The following ORC1 variants were observed in gnomAD, a reference collection of about 807,000 sequenced individuals.
ORC1 encodes the protein origin recognition complex subunit 1.
ORC1 carries 61 observed loss-of-function variants against 98.9 expected under a neutral mutation model. The ratio of observed to expected loss-of-function variants is 0.62; its 90% confidence interval spans 0.50 to 0.76. ORC1 has a LOEUF of 0.76. Ranked by LOEUF, ORC1 falls within the 30% of genes least tolerant of loss-of-function variation. The pLI is 0.00. For synonymous variants in ORC1, 385 were observed against 406.9 expected (o/e 0.95, Z 0.65); for missense variants, 979 against 1,072.2 (o/e 0.91, Z 1.21).
intron 6 of ORC1, among the ~76,000 whole-genome samples, chr1:52,389,630 T>C (rs144180791): frequency 8.5e-4 from 130 of 152,332 alleles, no homozygotes; most frequent in African/African-American, 2.9e-3. Context: ...TTGTTTCTGA[T>C]GCATGCATGA....
rs377501307 is a variant in ORC1, at chr1:52,391,474, A to G, written c.1082+1969T>C. Reference sequence around the variant, plus strand: ...CTAAAAAGCTTCTGCACAGCAAAAGAAATAATCAGCAGACAACCCACAGAG... The same window carrying G: ...CTAAAAAGCTTCTGCACAGCAAAAGGAATAATCAGCAGACAACCCACAGAG... On this transcript the variant is annotated intron_variant, in intron 6 of 16. Coordinates refer to ENST00000371568, the MANE Select transcript of ORC1 (RefSeq NM_004153.4). Among the ~76,000 whole-genome samples, 6 of 152,378 alleles carry G rather than the reference A, an allele frequency of 3.9e-5. No individual in the cohort carries two copies. The East Asian group carries it at 1.2e-3, about 29-fold the overall frequency.
intron 6 of ORC1, among the ~76,000 whole-genome samples, chr1:52,391,797 T>G: frequency 6.9e-6 from 1 of 145,850 alleles, no homozygotes; most frequent in Non-Finnish European, 1.5e-5. Context: ...ACTCAGGAGG[T>G]TGAGGCAGGA....
At chr1:52,398,002 C>T in intron 3 of ORC1, 139 bp from the exon 4 acceptor site, 1 of 802,598 alleles carries the variant, frequency 1.2e-6, no homozygotes, top group South Asian at 1.5e-5. Context: ...GAGTCTCTGT[C>T]ACCCAGGCTG....
In ORC1 at chr1:52,383,840, A is replaced by G; in HGVS notation, c.1853T>C (p.Leu618Pro). 1.2e-6 allele frequency: 2 copies of G among 1,613,616 alleles called. No individual in the cohort carries two copies. The highest frequency in any genetic ancestry group is 8.5e-7 in the Non-Finnish European group (1 of 1,179,602). The change falls in exon 12 of 17, where the codon CTT (leucine) becomes CCT (proline). Residue 618 changes from leucine to proline, a missense_variant. Leu to Pro is a moderately conservative substitution (Grantham distance 98, BLOSUM62 -3). Coordinates refer to ENST00000371568, the MANE Select transcript of ORC1 (RefSeq NM_004153.4). ...RGSPQETTVLLVDELDLLWTH... is the reference protein window; with the variant it reads ...RGSPQETTVLPVDELDLLWTH... Reference sequence around the variant, plus strand: ...CCATGGGCACCTCACCTCATCCACAAGCAGGACGGTGGTTTCCTGAGGTGA... The same window carrying G: ...CCATGGGCACCTCACCTCATCCACAGGCAGGACGGTGGTTTCCTGAGGTGA...
chr1:52,398,243 C>G (rs2147943479), intron 3 of ORC1, among the ~76,000 whole-genome samples: 1 of 149,628 alleles, frequency 6.7e-6, no homozygotes, highest in East Asian at 2.0e-4. Flanking sequence ...GAATTACAGG[C>G]ATGAGCCACC....
rs6655998 is a variant in ORC1 at position 52,397,009 on chromosome 1, G to A, written c.403-645C>T. 5.8e-3 allele frequency among the ~76,000 whole-genome samples: 878 copies of A among 152,220 alleles called. 9 individuals carry two copies. The highest frequency in any genetic ancestry group is 0.02 in the African/African-American group (828 of 41,524). ...TGCTCCAAGCCCTGTGCCTCTCCGC[G>A]TATACTCATCCTGCTGCCTCAACTT... On this transcript the variant is annotated intron_variant, in intron 4 of 16. Coordinates refer to ENST00000371568, the MANE Select transcript of ORC1 (RefSeq NM_004153.4).
At chr1:52,384,452 C>G in intron 11 of ORC1, 98 bp downstream of exon 11, 1 of 1,083,850 alleles carries the variant, frequency 9.2e-7, no homozygotes, top group Non-Finnish European at 1.4e-6. Flanking sequence ...CCTGGTATAT[C>G]ATGAACATGC....
rs761115253 is a variant in ORC1, at chr1:52,389,342, G to A, written c.1083-21C>T. ...CATCCCTGCAAGAAACCACAGCGAG[G>A]TCACGGGAAGCAGTTTTGGATACCA... On this transcript the variant is annotated intron_variant, in intron 6 of 16. Coordinates refer to ENST00000371568, the MANE Select transcript of ORC1 (RefSeq NM_004153.4). 5.7e-6 allele frequency: 9 copies of A among 1,590,294 alleles called. No individual in the cohort carries two copies. In the South Asian group the frequency reaches 7.7e-5, roughly 14 times the overall value.
intron 12 of ORC1, 50 bp from the exon 13 acceptor site, chr1:52,383,619 G>C: frequency 1.2e-6 from 2 of 1,603,106 alleles, no homozygotes; most frequent in Non-Finnish European, 1.7e-6. Flanking sequence ...AGACTGAGCT[G>C]GTGCTTCAAA....
chr1:52,394,626 AAAAAAG>A (rs1481227886), intron 5 of ORC1, among the ~76,000 whole-genome samples: 2 of 152,158 alleles, frequency 1.3e-5, no homozygotes, highest in Non-Finnish European at 1.5e-5. Context: ...CTAAAGAAAA[AAAAAAG>A]AAAAACTCCC....
chr1:52,401,613 T>G (rs1225708132), intron 2 of ORC1, 124 bp from the exon 3 acceptor site: 1 of 1,153,456 alleles, frequency 8.7e-7, no homozygotes, highest in Non-Finnish European at 1.3e-6. Flanking sequence ...ACTCTCCTAC[T>G]GGGAAACCAA....
Position 52,373,260 on chromosome 1 carries a change from G to A in ORC1, c.2507C>T (p.Pro836Leu). The A allele has an allele frequency of 6.2e-7, 1 of 1,614,180 alleles. No homozygotes were observed. The highest frequency in any genetic ancestry group is 8.5e-7 in the Non-Finnish European group (1 of 1,180,034). ...CCGAAGGAGCAGATCGTTCCTGCTG[G>A]GCTCCACAAGCAGGAGGCGACAGGA... ...LGSCRLLLVE[P>L]SRNDLLLRVR... Residue 836 changes from proline to leucine, a missense_variant, in exon 17 of 17, where the codon CCC (proline) becomes CTC (leucine). By Grantham distance (98) the Pro-to-Leu change is moderately conservative. Coordinates refer to ENST00000371568, the MANE Select transcript of ORC1 (RefSeq NM_004153.4).
At chr1:52,398,254 A>ATGCCTGG in intron 3 of ORC1, among the ~76,000 whole-genome samples, 1 of 132,292 alleles carries the variant, frequency 7.6e-6, no homozygotes. Flanking sequence ...ATGAGCCACC[A>ATGCCTGG]CCTCCCGCCA....
intron 6 of ORC1, among the ~76,000 whole-genome samples, chr1:52,390,431 A>T (rs764213697): frequency 2.0e-5 from 3 of 152,234 alleles, no homozygotes; most frequent in African/African-American, 7.2e-5. Context: ...AAAGCAAACA[A>T]AAACATAAAG....
At chr1:52,381,397 T>C (rs1055278017) in intron 14 of ORC1, among the ~76,000 whole-genome samples, 2 of 152,208 alleles carry the variant, frequency 1.3e-5, no homozygotes, top group African/African-American at 4.8e-5. Context: ...GTCCCTTTCA[T>C]CATGCAAAAC....
intron 5 of ORC1, among the ~76,000 whole-genome samples, chr1:52,395,018 A>G (rs1177932039): frequency 6.6e-6 from 1 of 152,168 alleles, no homozygotes; most frequent in Non-Finnish European, 1.5e-5. Context: ...TAAATGTTTT[A>G]TACATTTATA....
upstream of ORC1, chr1:52,408,556 A>C: frequency 1.9e-6 from 3 of 1,614,108 alleles, no homozygotes; most frequent in Non-Finnish European, 2.5e-6. Context: ...TTTCACTGTC[A>C]TCTGTCTCTC....
upstream of ORC1, chr1:52,405,636 A>C (rs748131138): frequency 6.0e-5 from 95 of 1,592,910 alleles, no homozygotes; most frequent in Non-Finnish European, 7.9e-5. Context: ...CCAACTAGGA[A>C]GAGCTTAGCC....
intron 8 of ORC1, among the ~76,000 whole-genome samples, chr1:52,386,690 G>A (rs1450562975): frequency 6.6e-6 from 1 of 152,154 alleles, no homozygotes; most frequent in East Asian, 1.9e-4. Context: ...AGGCTGGTGC[G>A]GTGACTCACG....
Sources: allele counts gnomAD v4.1 joint callset (sites outside exome capture counted in the v4.1 genomes callset), GRCh38; gene constraint gnomAD v4.1.1; transcripts MANE v1.5; gene names NCBI Gene and HGNC (gene_info 2026-07-23, HGNC 2026-07-21).